Variants in PPARGC1A observed in about 807,000 individuals in gnomAD.
The protein encoded by PPARGC1A is PPARG coactivator 1 alpha, also known as peroxisome proliferator-activated receptor gamma coactivator 1-alpha.
Under a neutral mutation model 88.7 loss-of-function variants are expected in PPARGC1A, and 25 were observed. The ratio of observed to expected loss-of-function variants is 0.28; its 90% CI spans 0.21 to 0.39. The LOEUF (loss-of-function observed/expected upper bound fraction) is 0.39, where lower values mean the gene tolerates loss of function less well. PPARGC1A is among the 10% of genes least tolerant of loss of function. The probability of loss-of-function intolerance (pLI) is 1.00; values close to 1 mark genes in which losing one functional copy is unlikely to be tolerated. For missense variants in PPARGC1A, 880 were observed against 968.7 expected, an observed-to-expected ratio of 0.91 and a Z score of 1.22; for synonymous variants, 363 against 355.6, an observed-to-expected ratio of 1.02 and a Z score of -0.24.
chr4:23,867,206 C>CCCTTA (rs1712214864), intron 2 of PPARGC1A, among the ~76,000 whole-genome samples: 1 of 152,160 alleles, frequency 6.6e-6, no homozygotes, highest in African/African-American at 2.4e-5. Flanking sequence ...TCATTTCTGA[C>CCCTTA]TTTAATACAG....
chr4:24,327,482 TC>T, the PPARGC1A span, among the ~76,000 whole-genome samples: 1 of 152,254 alleles, frequency 6.6e-6, no homozygotes, highest in African/African-American at 2.4e-5. Flanking sequence ...TAATTAGATG[TC>T]CTAGGTCCTC....
chr4:24,007,949 A>G, the PPARGC1A span, among the ~76,000 whole-genome samples: 34 of 152,168 alleles, frequency 2.2e-4, no homozygotes, highest in African/African-American at 6.8e-4. Flanking sequence ...CAGTGCAGCC[A>G]TTCCGTCGTC....
the PPARGC1A span, among the ~76,000 whole-genome samples, chr4:24,194,129 CA>C: frequency 2.2e-4 from 28 of 128,706 alleles, no homozygotes; most frequent in Middle Eastern, 4.3e-3. Flanking sequence ...AACTCCATCT[CA>C]AAAAAAAAAA....
chr4:23,813,645 T>A, intron 8 of PPARGC1A, 45 bp downstream of exon 8: 1 of 1,433,160 alleles, frequency 7.0e-7, no homozygotes, highest in Non-Finnish European at 9.4e-7. Flanking sequence ...ATTTTTTACT[T>A]CTTAGGAACA....
chr4:24,374,704 C>T, the PPARGC1A span, among the ~76,000 whole-genome samples: 2 of 151,990 alleles, frequency 1.3e-5, no homozygotes, highest in South Asian at 4.2e-4. Context: ...CACTTCACAC[C>T]CACTAGGATT....
chr4:24,138,294 C>A, the PPARGC1A span, among the ~76,000 whole-genome samples: 2 of 152,180 alleles, frequency 1.3e-5, no homozygotes, highest in African/African-American at 4.8e-5. Flanking sequence ...CAGCCTGTTC[C>A]AAGTCAGTTT....
the PPARGC1A span, among the ~76,000 whole-genome samples, chr4:24,409,422 T>C: frequency 6.6e-6 from 1 of 152,262 alleles, no homozygotes. Flanking sequence ...GTTTCACTGC[T>C]TTATGTGCAA....
the PPARGC1A span, among the ~76,000 whole-genome samples, chr4:24,049,096 C>G: frequency 2.0e-5 from 3 of 151,490 alleles, no homozygotes; most frequent in African/African-American, 7.3e-5. Flanking sequence ...TGTTCTCCTC[C>G]TCTGAGCTCC....
chr4:24,383,475 T>C, the PPARGC1A span, among the ~76,000 whole-genome samples: 1 of 151,834 alleles, frequency 6.6e-6, no homozygotes, highest in Non-Finnish European at 1.5e-5. Context: ...GCTAAGAACC[T>C]TGAAAAAAGG....
the PPARGC1A span, among the ~76,000 whole-genome samples, chr4:24,046,494 G>C: frequency 1.6e-4 from 25 of 151,964 alleles, no homozygotes; most frequent in African/African-American, 6.0e-4. Flanking sequence ...TTGAATTTGG[G>C]GACCCTTCCA....
At chr4:24,083,866 G>A in the PPARGC1A span, among the ~76,000 whole-genome samples, 5 of 152,162 alleles carry the variant, frequency 3.3e-5, no homozygotes, top group South Asian at 2.1e-4. Flanking sequence ...ATCTTATTTC[G>A]TTTTTGTCCT....
chr4:24,411,456 C>T, the PPARGC1A span, among the ~76,000 whole-genome samples: 2 of 152,172 alleles, frequency 1.3e-5, no homozygotes, highest in African/African-American at 4.8e-5. Context: ...TGCAGCCTGC[C>T]CTACTATCAA....
the PPARGC1A span, among the ~76,000 whole-genome samples, chr4:24,024,479 G>C: frequency 1.3e-5 from 2 of 152,136 alleles, no homozygotes; most frequent in African/African-American, 2.4e-5. Flanking sequence ...TATTGTCCTA[G>C]TTGGGTTTTG....
intron 2 of PPARGC1A, among the ~76,000 whole-genome samples, chr4:23,857,721 G>A (rs368666948): frequency 1.5e-4 from 23 of 151,550 alleles, no homozygotes; most frequent in Admixed American, 7.9e-4. Flanking sequence ...GATACACACC[G>A]AGAGCCAGTA....
chr4:23,824,078 GT>G (rs1172780582), intron 7 of PPARGC1A, among the ~76,000 whole-genome samples: 3 of 150,890 alleles, frequency 2.0e-5, no homozygotes, highest in Non-Finnish European at 4.4e-5. Context: ...GTTAGTCTAA[GT>G]TTTTTAAGCG....
At chr4:24,352,345 A>AGG in the PPARGC1A span, among the ~76,000 whole-genome samples, 3 of 152,180 alleles carry the variant, frequency 2.0e-5, no homozygotes, top group African/African-American at 7.2e-5. Flanking sequence ...GAGTGCAGCT[A>AGG]GGATAGGAAC....
the PPARGC1A span, among the ~76,000 whole-genome samples, chr4:24,470,324 A>ACACACACACACACACACACACC: frequency 9.3e-6 from 1 of 107,780 alleles, no homozygotes; most frequent in African/African-American, 3.4e-5. The surrounding 1 kb of genome is among the most constrained non-coding windows in gnomAD (Gnocchi z 5.8). Context: ...ACACACACAC[A>ACACACACACACACACACACACC]CTCTCTCACA....
the PPARGC1A span, among the ~76,000 whole-genome samples, chr4:24,139,982 G>T: frequency 6.6e-6 from 1 of 152,150 alleles, no homozygotes; most frequent in Admixed American, 6.5e-5. Context: ...AATGAAAACA[G>T]GTTTGCTCCT....
At chr4:24,049,180 G>C in the PPARGC1A span, among the ~76,000 whole-genome samples, 1 of 149,344 alleles carries the variant, frequency 6.7e-6, no homozygotes, top group South Asian at 2.1e-4. Flanking sequence ...GAAAGAGAGA[G>C]ACTGTCTCTC....
Sources: gnomAD v4.1 joint callset for allele counts (sites outside exome capture counted in the v4.1 genomes callset) on GRCh38, gnomAD v4.1.1 for gene constraint, Gnocchi (gnomAD v3.1) non-coding constraint, MANE v1.5 for transcripts, NCBI Gene and HGNC (gene_info 2026-07-23, HGNC 2026-07-21) for gene names.